Variants in WDR7 observed in about 807,000 individuals in gnomAD.
WDR7 encodes the protein WD repeat-containing protein 7.
A neutral mutation model predicts 169.4 loss-of-function variants in WDR7; 46 were observed. The observed-to-expected ratio is 0.27, with a 90% CI of 0.21 to 0.35. The LOEUF is 0.35. Ranked by LOEUF, WDR7 falls within the 10% of genes least tolerant of loss-of-function variation. WDR7 has a pLI of 1.00. For missense variants in WDR7, 1,534 were observed against 1,859.3 expected (o/e 0.83, Z 3.22); for synonymous variants, 612 against 666.8 (o/e 0.92, Z 1.27).
At chr18:56,651,772 C>T (rs2024660083) in intron 1 of WDR7, 196 bp downstream of exon 1, 1 of 152,378 alleles carries the variant, frequency 6.6e-6, no homozygotes, top group African/African-American at 2.4e-5. Context: ...GGGGGCCAGC[C>T]GGGGGTCTTT....
intron 12 of WDR7, among the ~76,000 whole-genome samples, chr18:56,704,925 CACA>C (rs1245502220): frequency 9.9e-5 from 15 of 152,162 alleles, no homozygotes; most frequent in Admixed American, 9.2e-4. Context: ...GAAAGTATTA[CACA>C]ACAACTAATT....
rs1262531247 is a variant in WDR7, at chr18:56,717,850, T to C, written c.1579-114T>C. ...TTTTCAACATGACCTAATATTGTGG[T>C]GGTTTTTCAGTGGCAGCAAATGTAT... On this transcript the variant is annotated intron_variant, in intron 12 of 27. Coordinates refer to ENST00000254442, the MANE Select transcript of WDR7 (RefSeq NM_015285.3). 4.1e-6 allele frequency: 4 copies of C among 972,276 alleles called. No homozygotes were observed. In the African/African-American group the frequency reaches 5.0e-5, roughly 12 times the overall value. 60.2% of individuals were successfully genotyped at this position (972,276 alleles called of 1,614,324 possible). A position where few individuals can be genotyped will look rare whatever the true frequency, so the allele number is the denominator to read the frequency against.
chr18:56,709,597 T>C (rs138172877), intron 12 of WDR7, among the ~76,000 whole-genome samples: 127 of 152,276 alleles, frequency 8.3e-4, no homozygotes, highest in African/African-American at 3.1e-3. Flanking sequence ...AAATGACTCA[T>C]CCAAGTCAGA....
At chr18:56,789,850 T>C (rs1468799750) in intron 19 of WDR7, among the ~76,000 whole-genome samples, 1 of 152,194 alleles carries the variant, frequency 6.6e-6, no homozygotes, top group Admixed American at 6.5e-5. Flanking sequence ...CTTTAAGAAG[T>C]TGTACATACT....
At chr18:56,938,846 A>G (rs2046996318) in intron 24 of WDR7, among the ~76,000 whole-genome samples, 164 bp downstream of exon 24, 1 of 104,858 alleles carries the variant, frequency 9.5e-6, no homozygotes, top group South Asian at 3.4e-4. Flanking sequence ...TGTGTGTAAG[A>G]GAGAGATAAC....
Position 56,705,266 on chromosome 18 carries a change from C to T in WDR7, c.1578+8804C>T, listed in dbSNP as rs554782181. 4.0e-5 allele frequency among the ~76,000 whole-genome samples: 6 copies of T among 151,514 alleles called. No individual in the cohort carries two copies. In the East Asian group the frequency reaches 9.7e-4, roughly 24 times the overall value. On this transcript the variant is annotated intron_variant, in intron 12 of 27. Coordinates refer to ENST00000254442, the MANE Select transcript of WDR7 (RefSeq NM_015285.3). ...ATCTGACTATCTGCCATATTTCAGG[C>T]ACTTTCTAGAACCAGAGATAGGGAT...
chr18:56,864,244 C>G (rs947273310), intron 20 of WDR7, among the ~76,000 whole-genome samples: 1 of 151,432 alleles, frequency 6.6e-6, no homozygotes, highest in Non-Finnish European at 1.5e-5. Context: ...CTAAAATATA[C>G]TTTTATTTGT....
At chr18:56,802,399 C>A (rs533055911) in intron 19 of WDR7, among the ~76,000 whole-genome samples, 204 of 151,992 alleles carry the variant, frequency 1.3e-3, no homozygotes, top group African/African-American at 4.6e-3. Context: ...CCTCTGTTGC[C>A]CAGGCTGGAG....
chr18:56,862,798 C>T (rs2045826845), intron 20 of WDR7, among the ~76,000 whole-genome samples: 1 of 151,730 alleles, frequency 6.6e-6, no homozygotes, highest in Admixed American at 6.6e-5. Context: ...TGCTATATCT[C>T]TTATTGATAT....
intron 20 of WDR7, among the ~76,000 whole-genome samples, chr18:56,842,960 TTC>T (rs2093674572): frequency 6.6e-6 from 1 of 152,094 alleles, no homozygotes; most frequent in Non-Finnish European, 1.5e-5. Context: ...TGCCTATTGC[TTC>T]TCTTTTTTTT....
At chr18:56,683,202 G>A (rs567546401) in intron 5 of WDR7, among the ~76,000 whole-genome samples, 1 of 152,266 alleles carries the variant, frequency 6.6e-6, no homozygotes, top group African/African-American at 2.4e-5. Context: ...GCCTGGTTCT[G>A]TCACTTGCTT....
At chr18:56,832,867 A>G (rs1568220982) in intron 20 of WDR7, among the ~76,000 whole-genome samples, 1 of 152,180 alleles carries the variant, frequency 6.6e-6, no homozygotes, top group African/African-American at 2.4e-5. Context: ...AGATAAATCC[A>G]TGAAGATGAG....
chr18:56,866,203 T>G (rs1418993996), intron 20 of WDR7, among the ~76,000 whole-genome samples: 3 of 152,212 alleles, frequency 2.0e-5, no homozygotes, highest in Non-Finnish European at 4.4e-5. Context: ...GTTGTTCTGA[T>G]TAAAAGAGCA....
At chr18:56,802,762 G>GT (rs1471101250) in intron 19 of WDR7, among the ~76,000 whole-genome samples, 1 of 152,022 alleles carries the variant, frequency 6.6e-6, no homozygotes, top group Non-Finnish European at 1.5e-5. Flanking sequence ...TCTGCGGGTT[G>GT]TTTTTCATTC....
chr18:56,846,184 A>G (rs1217136554), intron 20 of WDR7, among the ~76,000 whole-genome samples: 1 of 152,138 alleles, frequency 6.6e-6, no homozygotes, highest in East Asian at 1.9e-4. Flanking sequence ...TCCAAATCTC[A>G]TGTTGAAATG....
chr18:56,778,657 A>G (rs2044274151), intron 17 of WDR7, among the ~76,000 whole-genome samples: 1 of 152,122 alleles, frequency 6.6e-6, no homozygotes. Context: ...GTTATCTAAT[A>G]TTTTTACACT....
intron 21 of WDR7, among the ~76,000 whole-genome samples, chr18:56,923,720 A>G (rs117245073): frequency 0.014 from 2,162 of 152,374 alleles, 34 homozygotes; most frequent in East Asian, 0.039. Context: ...AGAATATGGT[A>G]TAAAACAATA....
intron 19 of WDR7, among the ~76,000 whole-genome samples, chr18:56,783,574 A>G (rs180936392): frequency 6.6e-6 from 1 of 152,296 alleles, no homozygotes; most frequent in East Asian, 1.9e-4. Flanking sequence ...TGCTTTTAAG[A>G]CATCTTTATT....
intron 20 of WDR7, among the ~76,000 whole-genome samples, chr18:56,865,479 A>G (rs2045869761): frequency 6.6e-6 from 1 of 152,172 alleles, no homozygotes; most frequent in African/African-American, 2.4e-5. Context: ...AGAAATGATT[A>G]TGAATTTATT....
Sources: gnomAD v4.1 joint callset for allele counts (sites outside exome capture counted in the v4.1 genomes callset) on GRCh38, gnomAD v4.1.1 for gene constraint, MANE v1.5 for transcripts, NCBI Gene and HGNC (gene_info 2026-07-23, HGNC 2026-07-21) for gene names.